ADGRB3: variants seen among roughly 807,000 people sequenced by gnomAD.
The protein encoded by ADGRB3 is brain-specific angiogenesis inhibitor 3.
In ADGRB3, 37 loss-of-function variants were observed where a neutral mutation model predicts 193.4. The observed-to-expected ratio is 0.19, with a 90% CI of 0.15 to 0.25. The LOEUF (loss-of-function observed/expected upper bound fraction) is 0.25. Ranked by LOEUF, ADGRB3 falls within the 10% of genes least tolerant of loss-of-function variation. ADGRB3 has a pLI of 1.00. For missense variants in ADGRB3, 1,637 were observed against 1,852.9 expected (o/e 0.88, Z 2.14); for synonymous variants, 690 against 644.2 (o/e 1.07, Z -1.08).
chr6:69,211,211 T>C (rs1765660484), intron 17 of ADGRB3, among the ~76,000 whole-genome samples: 2 of 152,184 alleles, frequency 1.3e-5, no homozygotes. Context: ...CTTTGTTTTA[T>C]TTTTCACTGT....
intron 17 of ADGRB3, among the ~76,000 whole-genome samples, chr6:69,078,156 T>G (rs1772286639): frequency 6.6e-6 from 1 of 152,062 alleles, no homozygotes; most frequent in African/African-American, 2.4e-5. Context: ...ATTTTCAAGA[T>G]TGCAGTAATA....
At chr6:69,173,154 C>T (rs1007665900) in intron 17 of ADGRB3, among the ~76,000 whole-genome samples, 1 of 152,258 alleles carries the variant, frequency 6.6e-6, no homozygotes, top group Admixed American at 6.5e-5. Flanking sequence ...TCTCCTGCCT[C>T]AGCCTCCCAA....
intron 3 of ADGRB3, among the ~76,000 whole-genome samples, chr6:68,777,567 A>G (rs1766771251): frequency 6.7e-6 from 1 of 148,930 alleles, no homozygotes; most frequent in African/African-American, 2.4e-5. Flanking sequence ...ATAGAAAGTT[A>G]TAGTGAATGG....
intron 17 of ADGRB3, among the ~76,000 whole-genome samples, chr6:69,150,733 A>G (rs1774648912): frequency 6.6e-6 from 1 of 152,214 alleles, no homozygotes; most frequent in Non-Finnish European, 1.5e-5. Context: ...ACTTGAAGTC[A>G]GCATATCTCA....
At chr6:68,797,225 G>A (rs1297149762) in intron 3 of ADGRB3, among the ~76,000 whole-genome samples, 3 of 152,058 alleles carry the variant, frequency 2.0e-5, no homozygotes, top group South Asian at 2.1e-4. Context: ...AGGAGAACAC[G>A]ACTCCTGCCC....
intron 3 of ADGRB3, among the ~76,000 whole-genome samples, chr6:68,848,143 C>T (rs6921402): frequency 0.12 from 18,753 of 151,760 alleles, 1,238 homozygotes; most frequent in Non-Finnish European, 0.13. Flanking sequence ...GGATTAAAAA[C>T]TTTTAAACAT....
chr6:69,221,244 A>G (rs778255988), intron 17 of ADGRB3, among the ~76,000 whole-genome samples: 4 of 152,184 alleles, frequency 2.6e-5, no homozygotes, highest in Non-Finnish European at 4.4e-5. Flanking sequence ...ATAAAAGAAT[A>G]TTGCCCTTTC....
intron 13 of ADGRB3, among the ~76,000 whole-genome samples, chr6:69,036,959 G>A (rs1180254201): frequency 6.6e-6 from 1 of 152,148 alleles, no homozygotes; most frequent in Non-Finnish European, 1.5e-5. Flanking sequence ...GAATTTAGGG[G>A]CAGGAGTAGA....
intron 17 of ADGRB3, among the ~76,000 whole-genome samples, chr6:69,201,424 T>C (rs1413719555): frequency 2.0e-5 from 3 of 152,014 alleles, no homozygotes; most frequent in Admixed American, 6.6e-5. Flanking sequence ...CTCTATTGAT[T>C]ATTTCCAACT....
At chr6:69,179,281 A>G (rs1775517574) in intron 17 of ADGRB3, among the ~76,000 whole-genome samples, 1 of 152,162 alleles carries the variant, frequency 6.6e-6, no homozygotes, top group African/African-American at 2.4e-5. Flanking sequence ...CAGTCTATTG[A>G]TAAAGCTTTC....
chr6:68,838,736 G>A (rs1377385579), intron 3 of ADGRB3, among the ~76,000 whole-genome samples: 1 of 152,146 alleles, frequency 6.6e-6, no homozygotes, highest in South Asian at 2.1e-4. Context: ...CTCCATGCTT[G>A]ATATGCTGAT....
chr6:68,809,900 C>A (rs1767477548), intron 3 of ADGRB3, among the ~76,000 whole-genome samples: 1 of 152,092 alleles, frequency 6.6e-6, no homozygotes, highest in Non-Finnish European at 1.5e-5. Flanking sequence ...AATTTAATGT[C>A]AGAAAATACA....
intron 26 of ADGRB3, among the ~76,000 whole-genome samples, chr6:69,344,149 T>G (rs1222094877): frequency 6.6e-6 from 1 of 152,166 alleles, no homozygotes; most frequent in Non-Finnish European, 1.5e-5. Flanking sequence ...TAAAACTCTT[T>G]CACTAAATGG....
intron 4 of ADGRB3, among the ~76,000 whole-genome samples, chr6:68,931,020 G>T (rs966163085): frequency 6.6e-6 from 1 of 151,854 alleles, no homozygotes; most frequent in Non-Finnish European, 1.5e-5. Context: ...AACTTTAAAT[G>T]ACTCTAGACA....
intron 17 of ADGRB3, among the ~76,000 whole-genome samples, chr6:69,131,702 A>G (rs1774014982): frequency 2.0e-5 from 3 of 151,952 alleles, no homozygotes; most frequent in Non-Finnish European, 4.4e-5. Context: ...AGGTATATGT[A>G]TGCCATGGTG....
At chr6:69,386,442 G>C (rs1770073279) in intron 31 of ADGRB3, among the ~76,000 whole-genome samples, 1 of 152,016 alleles carries the variant, frequency 6.6e-6, no homozygotes, top group Admixed American at 6.6e-5. Context: ...AGTCCACTGT[G>C]GATCTGATTC....
At chr6:69,210,149 C>CATATATATATATATATATAT (rs58586306) in intron 17 of ADGRB3, among the ~76,000 whole-genome samples, 1,653 of 78,540 alleles carry the variant, frequency 0.021, 139 homozygotes, top group African/African-American at 0.04. Context: ...TAATATATAT[C>CATATATATATATATATATAT]ATATATATAT....
intron 20 of ADGRB3, among the ~76,000 whole-genome samples, chr6:69,256,715 C>A (rs1338758213): frequency 6.6e-6 from 1 of 152,178 alleles, no homozygotes; most frequent in Non-Finnish European, 1.5e-5. Context: ...TGCCTAATTG[C>A]CCTGGCCAGA....
chr6:69,061,177 G>A (rs984520055), intron 15 of ADGRB3, among the ~76,000 whole-genome samples: 2 of 151,638 alleles, frequency 1.3e-5, no homozygotes, highest in African/African-American at 4.8e-5. Flanking sequence ...TTTACTCTTA[G>A]GCTGAATAGC....
Sources: gnomAD v4.1 joint callset for allele counts (sites outside exome capture counted in the v4.1 genomes callset) on GRCh38, gnomAD v4.1.1 for gene constraint, MANE v1.5 for transcripts, NCBI Gene and HGNC (gene_info 2026-07-23, HGNC 2026-07-21) for gene names.